The following FHOD3 variants were observed in gnomAD, a reference collection of about 807,000 sequenced individuals.
The protein encoded by FHOD3 is formin homology 2 domain containing 3, also known as FH1/FH2 domain-containing protein 3.
In FHOD3, 90 loss-of-function variants were observed where a neutral mutation model predicts 173.0. The observed-to-expected ratio is 0.52, with a 90% CI of 0.44 to 0.62. The LOEUF (loss-of-function observed/expected upper bound fraction) is 0.62. Ranked by LOEUF, FHOD3 falls within the 20% of genes least tolerant of loss-of-function variation. The probability of loss-of-function intolerance (pLI) is 0.00; values close to 1 mark genes in which losing one functional copy is unlikely to be tolerated. For missense variants in FHOD3, 1,945 were observed against 2,034.7 expected (o/e 0.96, Z 0.85); for synonymous variants, 828 against 823.0 (o/e 1.01, Z -0.10).
chr18:36,364,160 G>A (rs907934306), intron 2 of FHOD3, among the ~76,000 whole-genome samples: 1 of 152,120 alleles, frequency 6.6e-6, no homozygotes, highest in Non-Finnish European at 1.5e-5. Context: ...GGCATGTATT[G>A]GTTAGGATGC....
chr18:36,524,673 G>A (rs150144390), intron 5 of FHOD3, among the ~76,000 whole-genome samples: 3 of 152,214 alleles, frequency 2.0e-5, no homozygotes, highest in South Asian at 4.1e-4. Context: ...GCTGGTCCAC[G>A]CCTGTCTTTC....
intron 1 of FHOD3, among the ~76,000 whole-genome samples, chr18:36,349,306 A>G (rs1319336362): frequency 2.0e-5 from 3 of 152,224 alleles, no homozygotes; most frequent in Non-Finnish European, 4.4e-5. Context: ...CACACGTGAC[A>G]CTGTCCATTG....
chr18:36,422,905 A>C (rs1462656786), intron 3 of FHOD3, among the ~76,000 whole-genome samples: 2 of 152,152 alleles, frequency 1.3e-5, no homozygotes, highest in Admixed American at 1.3e-4. Context: ...TGAGCAGAAA[A>C]GTGTTAACAT....
intron 3 of FHOD3, among the ~76,000 whole-genome samples, chr18:36,494,012 C>G (rs538150513): frequency 6.6e-6 from 1 of 152,330 alleles, no homozygotes; most frequent in Non-Finnish European, 1.5e-5. Flanking sequence ...TTTCACTCCC[C>G]TACTTCCGTT....
intron 5 of FHOD3, chr18:36,544,519 T>C (rs2057342811): frequency 6.6e-6 from 1 of 152,336 alleles, no homozygotes; most frequent in African/African-American, 2.4e-5. Context: ...CGTGAGTCAC[T>C]GGGCTGGGTG....
intron 3 of FHOD3, among the ~76,000 whole-genome samples, chr18:36,402,309 C>T (rs537461085): frequency 1.3e-3 from 192 of 152,260 alleles, no homozygotes; most frequent in African/African-American, 4.6e-3. Flanking sequence ...GATTAATACG[C>T]TGATGACAGC....
At chr18:36,719,114 A>G (rs886228611) in intron 19 of FHOD3, among the ~76,000 whole-genome samples, 1 of 152,236 alleles carries the variant, frequency 6.6e-6, no homozygotes, top group Non-Finnish European at 1.5e-5. Context: ...ACTATGAGTG[A>G]TAGTAGTAGT....
intron 4 of FHOD3, among the ~76,000 whole-genome samples, chr18:36,508,727 A>G (rs2055449847): frequency 6.6e-6 from 1 of 152,238 alleles, no homozygotes; most frequent in Non-Finnish European, 1.5e-5. Flanking sequence ...AGTATCTCAC[A>G]TTTATTTTGC....
intron 17 of FHOD3, among the ~76,000 whole-genome samples, chr18:36,701,182 C>T (rs2039568545): frequency 6.6e-6 from 1 of 152,204 alleles, no homozygotes; most frequent in Non-Finnish European, 1.5e-5. Flanking sequence ...GCAGAGACAG[C>T]TGTTTCCTCT....
At chr18:36,655,277 T>C (rs1275658282) in intron 13 of FHOD3, among the ~76,000 whole-genome samples, 1 of 152,106 alleles carries the variant, frequency 6.6e-6, no homozygotes, top group African/African-American at 2.4e-5. Context: ...GGAACAAAAA[T>C]ATGTTGGTGA....
chr18:36,637,952 T>C (rs2035009668), intron 10 of FHOD3, among the ~76,000 whole-genome samples: 1 of 152,166 alleles, frequency 6.6e-6, no homozygotes, highest in Non-Finnish European at 1.5e-5. Flanking sequence ...GCTAACGTAG[T>C]TGTCAAATCA....
At chr18:36,472,545 C>T (rs1353030666) in intron 3 of FHOD3, among the ~76,000 whole-genome samples, 3 of 152,108 alleles carry the variant, frequency 2.0e-5, no homozygotes, top group African/African-American at 7.2e-5. Context: ...AACCTTATAC[C>T]CACTAGCAGT....
intron 3 of FHOD3, among the ~76,000 whole-genome samples, chr18:36,415,739 G>A (rs1400385685): frequency 6.6e-6 from 1 of 152,124 alleles, no homozygotes; most frequent in Non-Finnish European, 1.5e-5. Flanking sequence ...GCCAAACTCT[G>A]GACTATGTTC....
chr18:36,333,795 C>T (rs2045149848), intron 1 of FHOD3, among the ~76,000 whole-genome samples: 1 of 152,194 alleles, frequency 6.6e-6, no homozygotes, highest in African/African-American at 2.4e-5. Flanking sequence ...AGAAACCCTC[C>T]AGTGACTTAT....
chr18:36,638,487 C>A (rs1347958959), intron 10 of FHOD3, among the ~76,000 whole-genome samples: 1 of 152,180 alleles, frequency 6.6e-6, no homozygotes. Context: ...ATTTGAAAAG[C>A]TGCCTATCTG....
intron 1 of FHOD3, among the ~76,000 whole-genome samples, chr18:36,308,186 T>A (rs1035723749): frequency 6.6e-6 from 1 of 152,226 alleles, no homozygotes; most frequent in South Asian, 2.1e-4. Flanking sequence ...ATACAGATAG[T>A]GCTATAATAC....
intron 18 of FHOD3, among the ~76,000 whole-genome samples, chr18:36,714,696 C>A (rs1005587849): frequency 5.9e-5 from 9 of 152,146 alleles, no homozygotes; most frequent in Admixed American, 2.6e-4. Flanking sequence ...TAGTATCTGA[C>A]CAGTTGTTGA....
At chr18:36,372,043 G>A (rs2047219502) in intron 2 of FHOD3, among the ~76,000 whole-genome samples, 1 of 152,214 alleles carries the variant, frequency 6.6e-6, no homozygotes, top group Admixed American at 6.5e-5. Context: ...GCCCTAGTGG[G>A]AGTGGAACCT....
intron 14 of FHOD3, among the ~76,000 whole-genome samples, chr18:36,675,755 T>A (rs1362392100): frequency 2.0e-5 from 3 of 152,200 alleles, no homozygotes; most frequent in Non-Finnish European, 4.4e-5. Context: ...TATTCAATCA[T>A]TAGTTGATTC....
Sources: allele counts gnomAD v4.1 joint callset (sites outside exome capture counted in the v4.1 genomes callset), GRCh38; gene constraint gnomAD v4.1.1; transcripts MANE v1.5; gene names NCBI Gene and HGNC (gene_info 2026-07-23, HGNC 2026-07-21).